MYOZ2: variants seen among roughly 807,000 people sequenced by gnomAD.
MYOZ2 encodes the protein myozenin-2.
In MYOZ2, 19 loss-of-function variants were observed where a neutral mutation model predicts 25.4. The ratio of observed to expected loss-of-function variants is 0.75; its 90% CI spans 0.52 to 1.10. MYOZ2 has a LOEUF of 1.10. Ranked by LOEUF, MYOZ2 falls within the 50% of genes least tolerant of loss-of-function variation. The pLI, the probability that MYOZ2 is intolerant of heterozygous loss-of-function variation, is 0.00. For missense variants in MYOZ2, 270 were observed against 317.9 expected (o/e 0.85, Z 1.15); for synonymous variants, 92 against 106.9 (o/e 0.86, Z 0.86).
intron 3 of MYOZ2, among the ~76,000 whole-genome samples, chr4:119,151,719 G>A (rs1316902811): frequency 6.6e-6 from 1 of 152,106 alleles, no homozygotes; most frequent in Non-Finnish European, 1.5e-5. Context: ...TTGGGAAAAT[G>A]GCTTTAAAAT....
intron 5 of MYOZ2, among the ~76,000 whole-genome samples, chr4:119,178,188 C>G (rs1742118031): frequency 6.6e-6 from 1 of 152,178 alleles, no homozygotes; most frequent in African/African-American, 2.4e-5. Flanking sequence ...TCATCAAACT[C>G]CCCAGATCTT....
intron 2 of MYOZ2, among the ~76,000 whole-genome samples, chr4:119,143,341 G>A (rs2149219281): frequency 6.6e-6 from 1 of 152,032 alleles, no homozygotes; most frequent in Middle Eastern, 3.4e-3. Context: ...GATTACAGGT[G>A]CACACCACCA....
At chr4:119,153,794 A>G (rs908924170) in intron 3 of MYOZ2, among the ~76,000 whole-genome samples, 1 of 152,168 alleles carries the variant, frequency 6.6e-6, no homozygotes, top group South Asian at 2.1e-4. Flanking sequence ...CAAGCTACAT[A>G]TACTTTCTAT....
At chr4:119,177,966 A>G (rs1005400675) in intron 5 of MYOZ2, among the ~76,000 whole-genome samples, 5 of 152,080 alleles carry the variant, frequency 3.3e-5, no homozygotes, top group Admixed American at 1.3e-4. Context: ...AATATTGTCT[A>G]TATTTATTGT....
chr4:119,181,127 C>T (rs1202230040), intron 5 of MYOZ2, among the ~76,000 whole-genome samples: 1 of 152,200 alleles, frequency 6.6e-6, no homozygotes. Context: ...TGGACAGCCT[C>T]ATATTCATTC....
At chr4:119,175,766 A>T (rs995277353) in intron 5 of MYOZ2, among the ~76,000 whole-genome samples, 2 of 151,804 alleles carry the variant, frequency 1.3e-5, no homozygotes, top group African/African-American at 4.8e-5. Flanking sequence ...AAAAAAAAAA[A>T]ATTTTGAAGT....
Position 119,164,371 on chromosome 4 carries a change from G to C in MYOZ2, c.537G>C (p.Leu179=). The change falls in exon 5 of 6, where the codon CTG becomes CTC. Residue 179 remains leucine, a synonymous_variant. Coordinates refer to ENST00000307128, the MANE Select transcript of MYOZ2 (RefSeq NM_016599.5). ...TCAAGCCTGAAGGAAAGGCAGAACT[G>C]CCTGATTACAGGAGCTTTAACAGGT... is the stretch of plus-strand genomic sequence containing the variant. ...KLFKPEGKAE[L]PDYRSFNRVA... 6.2e-7 allele frequency: 1 copy of C among 1,614,026 alleles called. No homozygotes were observed. The highest frequency in any genetic ancestry group is 8.5e-7 in the Non-Finnish European group (1 of 1,179,956).
intron 4 of MYOZ2, among the ~76,000 whole-genome samples, chr4:119,162,597 G>C (rs1380688909): frequency 6.6e-6 from 1 of 152,196 alleles, no homozygotes; most frequent in Non-Finnish European, 1.5e-5. Context: ...TTGTATGAGA[G>C]TTTGTTAAAC....
intron 3 of MYOZ2, among the ~76,000 whole-genome samples, chr4:119,153,566 AC>A (rs1485921866): frequency 6.6e-6 from 1 of 152,126 alleles, no homozygotes; most frequent in Non-Finnish European, 1.5e-5. Context: ...ACAAGCTTTT[AC>A]TTTTACTGCT....
At chr4:119,184,456 A>G (rs1742253537) in intron 5 of MYOZ2, among the ~76,000 whole-genome samples, 1 of 152,250 alleles carries the variant, frequency 6.6e-6, no homozygotes, top group Non-Finnish European at 1.5e-5. Context: ...TCTGACCTTC[A>G]GATGGCTGTT....
At chr4:119,160,097 C>T (rs1578735936) in intron 4 of MYOZ2, among the ~76,000 whole-genome samples, 1 of 152,236 alleles carries the variant, frequency 6.6e-6, no homozygotes, top group East Asian at 1.9e-4. Flanking sequence ...CTCTTTGGGC[C>T]CTAGTTTCCT....
chr4:119,179,534 C>G (rs925352629), intron 5 of MYOZ2, among the ~76,000 whole-genome samples: 2 of 151,398 alleles, frequency 1.3e-5, no homozygotes, highest in African/African-American at 4.9e-5. Flanking sequence ...ATGAATTTAT[C>G]TATTCCTTTC....
At chr4:119,161,764 A>G (rs1741715221) in intron 4 of MYOZ2, among the ~76,000 whole-genome samples, 1 of 152,206 alleles carries the variant, frequency 6.6e-6, no homozygotes, top group African/African-American at 2.4e-5. Context: ...AATTATGAAC[A>G]TGATACAGAA....
intron 2 of MYOZ2, among the ~76,000 whole-genome samples, chr4:119,149,871 G>C (rs1031498185): frequency 5.3e-5 from 8 of 152,054 alleles, no homozygotes; most frequent in Admixed American, 3.3e-4. Context: ...AAAGTGGGGA[G>C]AAAATTTAAC....
chr4:119,149,977 A>G (rs956351087), intron 2 of MYOZ2, among the ~76,000 whole-genome samples: 19 of 152,174 alleles, frequency 1.2e-4, no homozygotes, highest in Non-Finnish European at 2.6e-4. Flanking sequence ...TTATTTTCCT[A>G]ATGGCCCAAT....
intron 2 of MYOZ2, among the ~76,000 whole-genome samples, chr4:119,147,929 T>A (rs1304342725): frequency 1.3e-5 from 2 of 152,144 alleles, no homozygotes; most frequent in Non-Finnish European, 2.9e-5. Flanking sequence ...TATTTCTGCT[T>A]ACTATATACC....
At chr4:119,185,318 CT>C (rs367617177) in intron 5 of MYOZ2, among the ~76,000 whole-genome samples, 12 of 149,126 alleles carry the variant, frequency 8.0e-5, no homozygotes, top group Admixed American at 2.7e-4. Flanking sequence ...CAGGGAATAT[CT>C]TTTTTTTTTC....
chr4:119,153,965 T>C (rs1191404446), intron 3 of MYOZ2, among the ~76,000 whole-genome samples: 1 of 151,980 alleles, frequency 6.6e-6, no homozygotes, highest in East Asian at 1.9e-4. Context: ...TAAAGTAAAA[T>C]GGAAGAATGC....
intron 5 of MYOZ2, among the ~76,000 whole-genome samples, chr4:119,180,567 T>A (rs752156417): frequency 2.0e-4 from 30 of 152,228 alleles, no homozygotes; most frequent in Non-Finnish European, 1.0e-4. Flanking sequence ...TCACATATAT[T>A]TTTTTGAGAT....
Sources: allele counts gnomAD v4.1 joint callset (sites outside exome capture counted in the v4.1 genomes callset), GRCh38; gene constraint gnomAD v4.1.1; transcripts MANE v1.5; gene names NCBI Gene and HGNC (gene_info 2026-07-23, HGNC 2026-07-21).